Variants in CHD2 observed in about 807,000 individuals in gnomAD.
The protein encoded by CHD2 is ATP-dependent chromatin remodeler CHD2.
CHD2 carries 28 observed loss-of-function variants against 243.9 expected under a neutral mutation model. The observed-to-expected ratio is 0.11, with a 90% CI of 0.09 to 0.16. CHD2 has a LOEUF of 0.16. Ranked by LOEUF, CHD2 falls within the 10% of genes least tolerant of loss-of-function variation. CHD2 has a pLI of 1.00. For synonymous variants in CHD2, 775 were observed against 779.0 expected (o/e 0.99, Z 0.09); for missense variants, 1,386 against 2,209.8 (o/e 0.63, Z 7.47).
rs148019618 is a variant in CHD2 at position 92,918,856 on chromosome 15, CAT to C, written c.63-5452_63-5451del. On this transcript the variant is annotated intron_variant, in intron 2 of 38. Coordinates refer to ENST00000394196, the MANE Select transcript of CHD2 (RefSeq NM_001271.4). ...ATACATACACACATATATATACATACATATATATATATATTTTTTGAGACAGA... is the reference window on the plus strand; with the variant it reads ...ATACATACACACATATATATACATACATATATATATATTTTTTGAGACAGA... Among the ~76,000 whole-genome samples the C allele has an allele frequency of 5.6e-3, 838 of 150,438 alleles. 10 individuals are homozygous for C. Among genetic ancestry groups the C allele is most frequent in the African/African-American group, 0.019 (780 of 41,016 alleles).
intron 20 of CHD2, among the ~76,000 whole-genome samples, chr15:92,976,108 T>C (rs188448282): frequency 6.6e-6 from 1 of 152,278 alleles, no homozygotes; most frequent in Admixed American, 6.5e-5. Flanking sequence ...TCATGTAGTG[T>C]TGGTTGAAAT....
At chr15:92,969,990 T>G (rs2053820258) in intron 17 of CHD2, among the ~76,000 whole-genome samples, 1 of 152,098 alleles carries the variant, frequency 6.6e-6, no homozygotes, top group Admixed American at 6.5e-5. Context: ...GTACTCAAGA[T>G]AGTTTTTCTT....
intron 2 of CHD2, among the ~76,000 whole-genome samples, chr15:92,907,584 T>C (rs1014469984): frequency 3.9e-5 from 6 of 152,244 alleles, no homozygotes; most frequent in African/African-American, 1.4e-4. Context: ...ACTTTAGTCC[T>C]GAAAATTTTT....
rs76467904 is a variant in CHD2 at position 93,019,558 on chromosome 15, T to G, written c.4907-454T>G. 3.0e-3 allele frequency among the ~76,000 whole-genome samples: 457 copies of G among 152,316 alleles called. 1 individual carries two copies. The highest frequency in any genetic ancestry group is 0.011 in the African/African-American group (437 of 41,562). ...CATGTGTCAGGCTTTCAGTTTGAAC[T>G]TCAGCAAAGTAGTGCTTACTTCAGC... On this transcript the variant is annotated intron_variant, in intron 37 of 38. Transcript: ENST00000394196.
intron 16 of CHD2, among the ~76,000 whole-genome samples, chr15:92,958,552 T>A (rs2053645097): frequency 6.6e-6 from 1 of 152,206 alleles, no homozygotes; most frequent in Non-Finnish European, 1.5e-5. Context: ...ACCTCTATCA[T>A]AAATGGGTTA....
chr15:92,962,471 T>G (rs1238591867), intron 16 of CHD2, among the ~76,000 whole-genome samples: 4 of 152,140 alleles, frequency 2.6e-5, no homozygotes, highest in Non-Finnish European at 5.9e-5. Flanking sequence ...TATCCATATA[T>G]TTAGGGATTT....
intron 33 of CHD2, among the ~76,000 whole-genome samples, chr15:93,003,286 CAAAAAA>C (rs397853913): frequency 7.6e-6 from 1 of 131,030 alleles, no homozygotes; most frequent in Non-Finnish European, 1.6e-5. Flanking sequence ...GACCTTGTCT[CAAAAAA>C]AAAAAAAAAA....
At chr15:92,960,161 T>C (rs940751379) in intron 16 of CHD2, among the ~76,000 whole-genome samples, 2 of 152,176 alleles carry the variant, frequency 1.3e-5, no homozygotes, top group African/African-American at 4.8e-5. Flanking sequence ...AGAACTACAA[T>C]TGGGTTTTGT....
At chr15:93,000,229 A>G (rs556111470) in intron 31 of CHD2, among the ~76,000 whole-genome samples, 2 of 152,126 alleles carry the variant, frequency 1.3e-5, no homozygotes, top group Admixed American at 6.5e-5. Flanking sequence ...TGGCACCTCT[A>G]CACTCCAGCC....
intron 2 of CHD2, chr15:92,904,519 C>G (rs1461835783): frequency 1.0e-6 from 1 of 996,124 alleles, no homozygotes; most frequent in South Asian, 4.3e-5. Context: ...CTAGTTGGGA[C>G]TTTCCGGTGG....
At chr15:92,904,974 T>C in intron 2 of CHD2, 1 of 1,536,126 alleles carries the variant, frequency 6.5e-7, no homozygotes, top group Non-Finnish European at 8.7e-7. Context: ...GTACCGTACA[T>C]TTTCTCAGTT....
intron 5 of CHD2, among the ~76,000 whole-genome samples, chr15:92,933,942 C>G (rs949999186): frequency 1.3e-5 from 2 of 152,152 alleles, no homozygotes; most frequent in Non-Finnish European, 2.9e-5. Flanking sequence ...TGTCACATAC[C>G]TGTAACACAG....
intron 10 of CHD2, chr15:92,945,392 C>CT (rs1249471762): frequency 6.9e-4 from 85 of 123,270 alleles, no homozygotes; most frequent in South Asian, 1.3e-3. Flanking sequence ...TCTTCTTCTT[C>CT]TTCTTTTTTT....
At chr15:92,901,090 A>T (rs1323095966) in intron 1 of CHD2, 77 bp from the exon 2 acceptor site, 1 of 669,332 alleles carries the variant, frequency 1.5e-6, no homozygotes, top group Middle Eastern at 2.4e-4. Flanking sequence ...TATCGTTAAC[A>T]TCGTCAGGAC....
chr15:92,947,228 T>C (rs2053484355), intron 12 of CHD2: 1 of 152,186 alleles, frequency 6.6e-6, no homozygotes, highest in African/African-American at 2.4e-5. Context: ...GAAGCACCAA[T>C]GTAGAAGTCT....
intron 37 of CHD2, among the ~76,000 whole-genome samples, chr15:93,017,572 C>T (rs966661948): frequency 1.4e-5 from 2 of 143,364 alleles, no homozygotes; most frequent in Non-Finnish European, 3.0e-5. Flanking sequence ...GTCTTGAACT[C>T]CTGACCTCAG....
At chr15:92,975,810 C>T (rs1658802924) in intron 20 of CHD2, among the ~76,000 whole-genome samples, 1 of 151,504 alleles carries the variant, frequency 6.6e-6, no homozygotes, top group Non-Finnish European at 1.5e-5. Flanking sequence ...ATTCTGGCTA[C>T]TTCTGTAGTC....
chr15:92,984,626 T>C, intron 25 of CHD2, 126 bp downstream of exon 25: 1 of 800,734 alleles, frequency 1.2e-6, no homozygotes, highest in Non-Finnish European at 1.8e-6. Flanking sequence ...GCAGAGTTGA[T>C]ACTGTAGGAA....
At chr15:92,958,468 A>G (rs2053644215) in intron 16 of CHD2, among the ~76,000 whole-genome samples, 2 of 152,154 alleles carry the variant, frequency 1.3e-5, no homozygotes, top group Non-Finnish European at 2.9e-5. Context: ...AACTCTAAGC[A>G]TGTGGGAATT....
Sources: allele counts gnomAD v4.1 joint callset (sites outside exome capture counted in the v4.1 genomes callset), GRCh38; gene constraint gnomAD v4.1.1; transcripts MANE v1.5; gene names NCBI Gene and HGNC (gene_info 2026-07-23, HGNC 2026-07-21).